The following PIK3C2G variants were observed in gnomAD, a reference collection of about 807,000 sequenced individuals.
PIK3C2G encodes the protein phosphatidylinositol 3-kinase C2 domain-containing subunit gamma.
A neutral mutation model predicts 181.1 loss-of-function variants in PIK3C2G; 168 were observed. The ratio of observed to expected loss-of-function variants is 0.93; its 90% CI spans 0.82 to 1.05. The LOEUF is 1.05. Ranked by LOEUF, PIK3C2G falls within the 50% of genes least tolerant of loss-of-function variation. The probability of loss-of-function intolerance (pLI) is 0.00; values close to 1 mark genes in which losing one functional copy is unlikely to be tolerated. For missense variants in PIK3C2G, 1,869 were observed against 1,732.8 expected (o/e 1.08, Z -1.40); for synonymous variants, 573 against 592.2 (o/e 0.97, Z 0.47).
At chr12:18,693,641 G>A in the PIK3C2G span, 19 of 1,562,922 alleles carry the variant, frequency 1.2e-5, no homozygotes, top group Admixed American at 2.2e-4. Context: ...TGAAATTGAC[G>A]CCATTGGGAC....
intron 31 of PIK3C2G, among the ~76,000 whole-genome samples, chr12:18,620,218 C>T (rs566757072): frequency 2.0e-4 from 30 of 151,962 alleles, no homozygotes; most frequent in Middle Eastern, 3.4e-3. Context: ...ACTAGTTCTA[C>T]GAATAATTAA....
At chr12:18,386,369 G>A (rs749151668) in intron 14 of PIK3C2G, among the ~76,000 whole-genome samples, 4 of 152,122 alleles carry the variant, frequency 2.6e-5, no homozygotes, top group East Asian at 1.9e-4. Flanking sequence ...AGATATGTGC[G>A]ACTATCACTG....
rs75341238 is a variant in PIK3C2G at position 18,573,414 on chromosome 12, T to G, written c.4011+6357T>G. Among the ~76,000 whole-genome samples, 919 of 152,262 alleles carry G rather than the reference T, an allele frequency of 6.0e-3. 5 individuals carry two copies. The highest frequency in any genetic ancestry group is 0.021 in the African/African-American group (873 of 41,560). ...CCTGGCAGTCCTGGCTTCAATTTCCTTTTCTCCTGTGTCTGCAAAGTGGTC... is the reference window on the plus strand; with the variant it reads ...CCTGGCAGTCCTGGCTTCAATTTCCGTTTCTCCTGTGTCTGCAAAGTGGTC... On this transcript the variant is annotated intron_variant, in intron 29 of 32. Coordinates refer to ENST00000538779, the MANE Select transcript of PIK3C2G (RefSeq NM_001288772.2).
At chr12:18,660,080 ATCTG>A in the PIK3C2G span, among the ~76,000 whole-genome samples, 1 of 152,132 alleles carries the variant, frequency 6.6e-6, no homozygotes, top group Non-Finnish European at 1.5e-5. Flanking sequence ...CACTGACATA[ATCTG>A]TCTGAGGTAA....
chr12:18,650,173 A>G (rs1205847702), downstream of PIK3C2G, among the ~76,000 whole-genome samples: 3 of 152,004 alleles, frequency 2.0e-5, no homozygotes. Flanking sequence ...CACAGGGATC[A>G]GGGAAAATAT....
At chr12:18,258,365 G>A (rs567523283), upstream of PIK3C2G, among the ~76,000 whole-genome samples, 61 of 151,462 alleles carry the variant, frequency 4.0e-4, 1 homozygote, top group African/African-American at 1.5e-3. Context: ...TGACTATGTT[G>A]CACAATGGAC....
the PIK3C2G span, chr12:18,695,031 C>G: frequency 7.4e-6 from 12 of 1,612,938 alleles, no homozygotes; most frequent in Non-Finnish European, 6.8e-6. Flanking sequence ...CAAAAATTTC[C>G]CATTTTGCAG....
At chr12:18,619,945 C>G (rs908132391) in intron 31 of PIK3C2G, among the ~76,000 whole-genome samples, 2 of 151,954 alleles carry the variant, frequency 1.3e-5, no homozygotes, top group African/African-American at 4.8e-5. Flanking sequence ...AGGATGTTCT[C>G]CATCTCCTGA....
chr12:18,262,456 C>A (rs1333367968), intron 1 of PIK3C2G, among the ~76,000 whole-genome samples: 2 of 152,032 alleles, frequency 1.3e-5, no homozygotes, highest in Non-Finnish European at 2.9e-5. Context: ...GGATTTTAAT[C>A]AAGGTTTTCT....
chr12:18,395,629 T>C (rs951247052), intron 15 of PIK3C2G, among the ~76,000 whole-genome samples: 2 of 150,760 alleles, frequency 1.3e-5, no homozygotes, highest in Non-Finnish European at 3.0e-5. Context: ...ATTTACACAT[T>C]TATTAATTTA....
chr12:18,365,513 C>T (rs1941577827), intron 12 of PIK3C2G, among the ~76,000 whole-genome samples: 1 of 152,174 alleles, frequency 6.6e-6, no homozygotes, highest in Admixed American at 6.5e-5. Flanking sequence ...TCTTACATGA[C>T]CTATCAGAAG....
At chr12:18,708,362 C>CGAA in the PIK3C2G span, among the ~76,000 whole-genome samples, 5 of 152,180 alleles carry the variant, frequency 3.3e-5, no homozygotes, top group Non-Finnish European at 7.3e-5. Context: ...TTTGTAAAGA[C>CGAA]TGAATCATAT....
At chr12:18,287,149 TG>T (rs1177983258) in intron 3 of PIK3C2G, among the ~76,000 whole-genome samples, 2 of 152,198 alleles carry the variant, frequency 1.3e-5, no homozygotes, top group Admixed American at 6.5e-5. Context: ...CTTAAAAATT[TG>T]GTTAAAGTTA....
intron 18 of PIK3C2G, among the ~76,000 whole-genome samples, chr12:18,458,853 T>TAAA (rs1363276649): frequency 7.5e-6 from 1 of 134,084 alleles, no homozygotes. Flanking sequence ...ACAGCCAGTT[T>TAAA]AAAAAAAAAA....
rs765088068 is a variant in PIK3C2G at position 18,282,759 on chromosome 12, G to A, written c.678G>A (p.Glu226=). 9 of 1,569,098 alleles carry A rather than the reference G, an allele frequency of 5.7e-6. No individual in the cohort carries two copies. Among genetic ancestry groups the A allele is most frequent in the Non-Finnish European group, 7.8e-6 (9 of 1,152,920 alleles). The change falls in exon 2 of 33, where the codon GAG becomes GAA. Residue 226 remains glutamate, a splice_region_variant and synonymous_variant. Coordinates refer to ENST00000538779, the MANE Select transcript of PIK3C2G (RefSeq NM_001288772.2). ...AAAGTACATGGCAGAAGAATATAGA[G>A]GTAAGTATAATACATGTCAATGTAA... is the stretch of plus-strand genomic sequence containing the variant. The part of the protein sequence containing the change: ...MWESTWQKNI[E]SIGCSIQLVE...
Position 18,320,393 on chromosome 12 carries a change from T to A in PIK3C2G, c.1138-569T>A, listed in dbSNP as rs112411471. On this transcript the variant is annotated intron_variant, in intron 6 of 32. Coordinates refer to ENST00000538779, the MANE Select transcript of PIK3C2G (RefSeq NM_001288772.2). ...AGGCATGATATTTTAAGATAAGTAG[T>A]TCATGCTTATGTAGGAAGAAAACAA... 7.5e-3 allele frequency among the ~76,000 whole-genome samples: 1,140 copies of A among 152,340 alleles called. 15 individuals carry two copies. Among genetic ancestry groups the A allele is most frequent in the African/African-American group, 0.026 (1,096 of 41,576 alleles).
intron 18 of PIK3C2G, among the ~76,000 whole-genome samples, chr12:18,459,538 T>G (rs955338514): frequency 1.3e-5 from 2 of 152,224 alleles, no homozygotes; most frequent in Non-Finnish European, 2.9e-5. Flanking sequence ...GACAACTTTA[T>G]GTTATGTAGT....
intron 8 of PIK3C2G, among the ~76,000 whole-genome samples, chr12:18,329,537 T>C (rs1180484213): frequency 6.6e-6 from 1 of 152,024 alleles, no homozygotes; most frequent in Non-Finnish European, 1.5e-5. Context: ...ATATGCACTT[T>C]TTGAGCCCTG....
chr12:18,363,858 G>A (rs1941448869), intron 12 of PIK3C2G, among the ~76,000 whole-genome samples: 1 of 152,034 alleles, frequency 6.6e-6, no homozygotes, highest in South Asian at 2.1e-4. Flanking sequence ...CATACCTCAT[G>A]GCCCCTCCCA....
Sources: allele counts gnomAD v4.1 joint callset (sites outside exome capture counted in the v4.1 genomes callset), GRCh38; gene constraint gnomAD v4.1.1; transcripts MANE v1.5; gene names NCBI Gene and HGNC (gene_info 2026-07-23, HGNC 2026-07-21).